Variants in KANTR observed in about 807,000 individuals in gnomAD.
KANTR encodes KDM5C adjacent transcript.
At chrX:53,119,044 C>CTTTTTTTTTTTTT (rs59837494) in intron 2 of KANTR, among the ~76,000 whole-genome samples, 2 of 70,511 alleles carry the variant, frequency 2.8e-5, no homozygotes, top group African/African-American at 4.7e-5. Context: ...ATTTTTCTTT[C>CTTTTTTTTTTTTT]TTTTTTTTTT....
In KANTR at chrX:53,099,025, A is replaced by AT. The variant is rs1164279590; in HGVS notation, c.-941-436dup. Among the ~76,000 whole-genome samples the AT allele has an allele frequency of 6.6e-4, 69 of 105,042 alleles. 1 individual carries two copies. Among genetic ancestry groups the AT allele is most frequent in the Middle Eastern group, 4.7e-3 (1 of 211 alleles). The allele number at this position is 105,042 out of a possible 115,157, so 91.2% of individuals were successfully genotyped here. ...CAGGCATGTGCCACCATGCCCAGCT[A>AT]TTTTTTTTTTTAATTTTTGTGGAGA... is the stretch of plus-strand genomic sequence containing the variant. On this transcript the variant is annotated intron_variant, in intron 1 of 2. Transcript: ENST00000604062.
At chrX:53,130,945 T>C (rs897565420), downstream of KANTR, among the ~76,000 whole-genome samples, 45 of 111,215 alleles carry the variant, frequency 4.0e-4, no homozygotes, top group Non-Finnish European at 2.6e-4. Context: ...CAGTACCATA[T>C]GGGGGAACAG....
intron 2 of KANTR, among the ~76,000 whole-genome samples, chrX:53,137,137 A>G (rs1425518388): frequency 1.8e-5 from 2 of 110,964 alleles, no homozygotes; most frequent in African/African-American, 6.6e-5. Context: ...TTTAGGTTAT[A>G]CTAACCTCAA....
intron 2 of KANTR, among the ~76,000 whole-genome samples, chrX:53,110,202 T>C (rs1933012807): frequency 8.9e-6 from 1 of 112,275 alleles, no homozygotes; most frequent in Non-Finnish European, 1.9e-5. Flanking sequence ...CTGGAACTTC[T>C]AGTATCCTGT....
chrX:53,105,695 T>C (rs1932942480), intron 2 of KANTR, among the ~76,000 whole-genome samples: 1 of 104,726 alleles, frequency 9.5e-6, no homozygotes, highest in Non-Finnish European at 2.0e-5. Context: ...GAGATGGGGT[T>C]TCCTGTGTTG....
intron 2 of KANTR, among the ~76,000 whole-genome samples, chrX:53,105,913 A>T (rs1232264054): frequency 1.4e-4 from 12 of 86,461 alleles, no homozygotes; most frequent in Non-Finnish European, 1.9e-4. Context: ...GGTGGAGTGC[A>T]GTGGCGCGAT....
At chrX:53,106,345 A>G (rs1464716135) in intron 2 of KANTR, among the ~76,000 whole-genome samples, 1 of 109,783 alleles carries the variant, frequency 9.1e-6, no homozygotes, top group East Asian at 2.8e-4. Context: ...ATTTATTCCT[A>G]TGTTTTCTTC....
chrX:53,144,803 G>A (rs1310150636), downstream of KANTR, among the ~76,000 whole-genome samples: 8 of 111,777 alleles, frequency 7.2e-5, no homozygotes, highest in African/African-American at 1.3e-4. Flanking sequence ...TAAGTAGACC[G>A]TTTTGCATAT....
At chrX:53,115,333 T>C (rs782642306) in intron 2 of KANTR, among the ~76,000 whole-genome samples, 63 of 110,390 alleles carry the variant, frequency 5.7e-4, no homozygotes, top group Non-Finnish European at 9.9e-4. Context: ...GCTGGCCTAA[T>C]GACTAGTGCT....
intron 2 of KANTR, among the ~76,000 whole-genome samples, chrX:53,139,085 G>T (rs1379148836): frequency 4.5e-5 from 5 of 110,118 alleles, no homozygotes; most frequent in African/African-American, 1.7e-4. Context: ...GCCGGGTGTG[G>T]TGGTGTGTGC....
chrX:53,113,101 C>T (rs1933065811), intron 2 of KANTR: 1 of 277,632 alleles, frequency 3.6e-6, no homozygotes. Context: ...TTTTGGCGAT[C>T]TTCTTCTTGC....
At chrX:53,113,516 G>A (rs963618092) in intron 2 of KANTR, among the ~76,000 whole-genome samples, 2 of 105,158 alleles carry the variant, frequency 1.9e-5, no homozygotes, top group Non-Finnish European at 3.9e-5. Context: ...AGTTACTGGT[G>A]CTTTCTTTTG....
intron 2 of KANTR, among the ~76,000 whole-genome samples, chrX:53,137,756 C>T (rs1403354963): frequency 5.3e-4 from 56 of 104,925 alleles, no homozygotes; most frequent in Non-Finnish European, 7.4e-4. Context: ...GCAACAAGAG[C>T]GAAACTCCAT....
At chrX:53,138,705 TAAA>T (rs781934985) in intron 2 of KANTR, among the ~76,000 whole-genome samples, 1 of 92,594 alleles carries the variant, frequency 1.1e-5, no homozygotes. Context: ...AATTCTGTCT[TAAA>T]AAAAAAAAAA....
chrX:53,113,818 T>C (rs951054089), intron 2 of KANTR, among the ~76,000 whole-genome samples: 25 of 108,808 alleles, frequency 2.3e-4, no homozygotes, highest in African/African-American at 8.4e-4. Context: ...TGACCTCAAG[T>C]GATCTGCCTG....
chrX:53,096,548 G>A (rs782142796), intron 1 of KANTR, among the ~76,000 whole-genome samples: 9 of 112,489 alleles, frequency 8.0e-5, no homozygotes, highest in African/African-American at 1.9e-4. Flanking sequence ...AAACAGGGCC[G>A]GGTGTGATGG....
At chrX:53,135,508 C>A (rs1287219923) in intron 2 of KANTR, among the ~76,000 whole-genome samples, 1 of 112,106 alleles carries the variant, frequency 8.9e-6, no homozygotes, top group African/African-American at 3.2e-5. Flanking sequence ...CTGTGGGCTG[C>A]AGTTTTAGTT....
At chrX:53,113,198 A>T in intron 2 of KANTR, 2 of 225,146 alleles carry the variant, frequency 8.9e-6, no homozygotes, top group Non-Finnish European at 1.8e-5. Context: ...GCCCTTATCA[A>T]CGTTCTTCAT....
chrX:53,103,820 C>T (rs191872404), intron 2 of KANTR, among the ~76,000 whole-genome samples: 26 of 111,573 alleles, frequency 2.3e-4, no homozygotes, highest in African/African-American at 6.5e-4. Context: ...ACTCTGCCTT[C>T]TTCTCTGTAC....
Sources: gnomAD v4.1 joint callset for allele counts (sites outside exome capture counted in the v4.1 genomes callset) on GRCh38, gnomAD v4.1.1 for gene constraint, MANE v1.5 for transcripts, NCBI Gene and HGNC (gene_info 2026-07-23, HGNC 2026-07-21) for gene names.